Variants in SGCZ observed in about 807,000 individuals in gnomAD.
The protein encoded by SGCZ is zeta-sarcoglycan.
SGCZ carries 40 observed loss-of-function variants against 41.3 expected under a neutral mutation model. The ratio of observed to expected loss-of-function variants is 0.97; its 90% CI spans 0.75 to 1.26. SGCZ has a LOEUF of 1.26. SGCZ is among the 50% of genes most tolerant of loss of function. The pLI is 0.00. For missense variants in SGCZ, 552 were observed against 369.8 expected (o/e 1.49, Z -4.04); for synonymous variants, 206 against 137.5 (o/e 1.50, Z -3.49).
In SGCZ at chr8:14,163,100, C is replaced by A. The variant is rs116566600; in HGVS notation, c.547+1480G>T. ...TTGCCCAGGCTGGACTTGAACCAAG[C>A]GATTCTCTCACCTCTGTCTCCCAAA... On this transcript the variant is annotated intron_variant, in intron 5 of 7. Transcript: ENST00000382080. 6.4e-3 allele frequency among the ~76,000 whole-genome samples: 971 copies of A among 152,182 alleles called. 12 individuals carry two copies. The highest frequency in any genetic ancestry group is 0.023 in the African/African-American group (938 of 41,528).
chr8:14,138,413 C>T (rs1486686226), intron 5 of SGCZ, among the ~76,000 whole-genome samples: 1 of 151,790 alleles, frequency 6.6e-6, no homozygotes, highest in African/African-American at 2.4e-5. Context: ...GAGTCAAGAC[C>T]CATCAGTGTG....
At chr8:14,907,954 G>A (rs1424233097) in intron 1 of SGCZ, among the ~76,000 whole-genome samples, 2 of 152,168 alleles carry the variant, frequency 1.3e-5, no homozygotes, top group Non-Finnish European at 2.9e-5. Context: ...ATGCATTTTA[G>A]AAAGGGCAGT....
At chr8:15,226,459 C>G (rs1204427879) in intron 1 of SGCZ, among the ~76,000 whole-genome samples, 1 of 152,108 alleles carries the variant, frequency 6.6e-6, no homozygotes, top group African/African-American at 2.4e-5. Context: ...TTTCACCAAA[C>G]TGAACATTTT....
rs1314996554 is a variant in SGCZ at position 15,173,392 on chromosome 8, T to C, written c.39+64193A>G. ...TTTTCTCATCTATAAAAATGGATGA[T>C]GATAGCACCATTTATGACTAAATGA... On this transcript the variant is annotated intron_variant, in intron 1 of 7. Transcript: ENST00000382080. 2.6e-5 allele frequency among the ~76,000 whole-genome samples: 4 copies of C among 152,202 alleles called. No individual in the cohort carries two copies. The East Asian group carries it at 5.8e-4, about 22-fold the overall frequency.
intron 5 of SGCZ, among the ~76,000 whole-genome samples, chr8:14,137,193 G>A (rs935201360): frequency 6.6e-6 from 1 of 152,122 alleles, no homozygotes; most frequent in African/African-American, 2.4e-5. Flanking sequence ...AAGACCAAAG[G>A]TAGGTAGATA....
intron 5 of SGCZ, among the ~76,000 whole-genome samples, chr8:14,132,170 T>C (rs1295949488): frequency 6.6e-6 from 1 of 152,172 alleles, no homozygotes; most frequent in Non-Finnish European, 1.5e-5. Context: ...TCAGACTCAG[T>C]AATTTTGCTT....
intron 2 of SGCZ, among the ~76,000 whole-genome samples, chr8:14,371,012 G>T (rs967073584): frequency 2.0e-5 from 3 of 151,836 alleles, no homozygotes; most frequent in African/African-American, 4.8e-5. Flanking sequence ...AAATGAATAA[G>T]TTAGCATTGA....
At chr8:14,110,470 C>CTGAT (rs1207040621) in intron 5 of SGCZ, among the ~76,000 whole-genome samples, 3 of 152,138 alleles carry the variant, frequency 2.0e-5, no homozygotes, top group East Asian at 3.9e-4. Context: ...GAATTAAAAA[C>CTGAT]TGATAGAGGT....
chr8:15,024,467 T>C (rs1803371668), intron 1 of SGCZ, among the ~76,000 whole-genome samples: 1 of 152,188 alleles, frequency 6.6e-6, no homozygotes, highest in Admixed American at 6.5e-5. Flanking sequence ...TAAAATCCAC[T>C]GGTTCTGTAG....
At chr8:15,038,521 G>C (rs1202186488) in intron 1 of SGCZ, among the ~76,000 whole-genome samples, 1 of 151,302 alleles carries the variant, frequency 6.6e-6, no homozygotes, top group Non-Finnish European at 1.5e-5. Context: ...AAAAAACAAG[G>C]GAAAATTTCT....
Position 14,439,094 on chromosome 8 carries a change from C to A in SGCZ, c.235-114890G>T, listed in dbSNP as rs554021863. ...GGCAATATTAGCTTCTTGATAACAT[C>A]AAGGAGGAAAAGATTCGATTCCCCT... is the stretch of plus-strand genomic sequence containing the variant. On this transcript the variant is annotated intron_variant, in intron 2 of 7. Transcript: ENST00000382080. 6.0e-3 allele frequency among the ~76,000 whole-genome samples: 908 copies of A among 151,988 alleles called. 9 individuals carry two copies. Among genetic ancestry groups the A allele is most frequent in the African/African-American group, 0.021 (861 of 41,514 alleles).
intron 1 of SGCZ, among the ~76,000 whole-genome samples, chr8:14,563,237 T>C (rs960986752): frequency 3.3e-4 from 50 of 152,174 alleles, no homozygotes; most frequent in African/African-American, 1.2e-3. Context: ...AAAAGTACAG[T>C]CTTCACCTTT....
chr8:14,710,240 G>A (rs1330955872), intron 1 of SGCZ, among the ~76,000 whole-genome samples: 1 of 151,938 alleles, frequency 6.6e-6, no homozygotes, highest in Non-Finnish European at 1.5e-5. Context: ...CGTGGTGGCA[G>A]GCGCCTGTAG....
chr8:14,205,298 C>T (rs1366361016), intron 4 of SGCZ, among the ~76,000 whole-genome samples: 1 of 152,168 alleles, frequency 6.6e-6, no homozygotes, highest in East Asian at 1.9e-4. Flanking sequence ...AGTCATTAGG[C>T]AATGTTCTCT....
chr8:14,371,586 C>A (rs1466696705), intron 2 of SGCZ, among the ~76,000 whole-genome samples: 4 of 152,016 alleles, frequency 2.6e-5, no homozygotes, highest in African/African-American at 2.4e-5. Context: ...TTTCAGTCAT[C>A]TTTCCCCAGG....
At chr8:14,779,529 A>C (rs1800519083) in intron 1 of SGCZ, among the ~76,000 whole-genome samples, 1 of 152,226 alleles carries the variant, frequency 6.6e-6, no homozygotes, top group Non-Finnish European at 1.5e-5. Context: ...TTGATCTACA[A>C]AAATTGGAAG....
chr8:14,928,040 C>T (rs1394740406), intron 1 of SGCZ, among the ~76,000 whole-genome samples: 1 of 152,146 alleles, frequency 6.6e-6, no homozygotes, highest in African/African-American at 2.4e-5. Flanking sequence ...CAGCATCTGC[C>T]AGAGGCCTCT....
At chr8:14,815,344 A>T (rs1801871259) in intron 1 of SGCZ, among the ~76,000 whole-genome samples, 1 of 151,638 alleles carries the variant, frequency 6.6e-6, no homozygotes, top group African/African-American at 2.4e-5. Flanking sequence ...AAATAAAATT[A>T]ATTATTACAT....
intron 3 of SGCZ, among the ~76,000 whole-genome samples, chr8:14,244,017 A>G (rs181861257): frequency 1.4e-4 from 21 of 152,312 alleles, no homozygotes; most frequent in Admixed American, 3.9e-4. Context: ...TTTATGTTCA[A>G]TAAATGCATG....
Sources: allele counts gnomAD v4.1 joint callset (sites outside exome capture counted in the v4.1 genomes callset), GRCh38; gene constraint gnomAD v4.1.1; transcripts MANE v1.5; gene names NCBI Gene and HGNC (gene_info 2026-07-23, HGNC 2026-07-21).